Variants in TET1 observed in about 807,000 individuals in gnomAD.
TET1 encodes methylcytosine dioxygenase TET1.
A neutral mutation model predicts 148.7 loss-of-function variants in TET1; 13 were observed. That is an observed-to-expected ratio of 0.09 (90% CI 0.06 to 0.14). The LOEUF (loss-of-function observed/expected upper bound fraction) is 0.14, where lower values mean the gene tolerates loss of function less well. TET1 is among the 10% of genes least tolerant of loss of function. The pLI is 1.00. For missense variants in TET1, 2,182 were observed against 2,553.8 expected, an observed-to-expected ratio of 0.85 and a Z score of 3.14; for synonymous variants, 907 against 937.2, an observed-to-expected ratio of 0.97 and a Z score of 0.59.
At position 68,692,690 on chromosome 10, in the gene TET1, GA is replaced by G. The variant is rs1589138809; in HGVS notation, c.*878del. 6 of 231,038 alleles carry G rather than the reference GA, an allele frequency of 2.6e-5. No homozygotes were observed. The East Asian group carries it at 3.7e-4, about 14-fold the overall frequency. 14.3% of individuals were successfully genotyped at this position (231,038 alleles called of 1,614,324 possible). On this transcript the variant is annotated 3_prime_UTR_variant, in exon 12 of 12. Transcript: ENST00000373644. Reference sequence around the variant, plus strand: ...AAGTTGTTAATTATCTCTAAAATTGGAATTAGGAAGCATATCACCAATACTG... The same window carrying G: ...AAGTTGTTAATTATCTCTAAAATTGGATTAGGAAGCATATCACCAATACTG...
At position 68,652,521 on chromosome 10, in the gene TET1, C is replaced by T; in HGVS notation, c.4388C>T (p.Ala1463Val). Residue 1463 changes from alanine to valine, a missense_variant, in exon 6 of 12, where the codon GCA (alanine) becomes GTA (valine). Ala to Val is a moderately conservative substitution (Grantham distance 64). This residue lies in a region of TET1 where 169 missense variants were observed against 263.7 expected (regional missense o/e 0.64). Coordinates refer to ENST00000373644, the MANE Select transcript of TET1 (RefSeq NM_030625.3). ...MENRYGQKGN[A>V]IRIEIVVYTG... is the part of the protein sequence containing the mutation. The stretch of plus-strand genomic sequence containing the variant: ...CTCAGGTATGGTCAAAAAGGAAACG[C>T]AATAAGGATAGAAATAGTAGTGTAC... The T allele has an allele frequency of 6.2e-7, 1 of 1,610,778 alleles. No individual in the cohort carries two copies. The highest frequency in any genetic ancestry group is 8.5e-7 in the Non-Finnish European group (1 of 1,178,482).
chr10:68,632,318 T>C lies in TET1; in HGVS notation c.1969-12380T>C, dbSNP rs564778538. On this transcript the variant is annotated intron_variant, in intron 3 of 11. Coordinates refer to ENST00000373644, the MANE Select transcript of TET1 (RefSeq NM_030625.3). ...GCCTGGGTGACAGAGCCAGATTCCCTTTCAAAAAAAAAAGAAAGGGTGCAG... is the reference window on the plus strand; with the variant it reads ...GCCTGGGTGACAGAGCCAGATTCCCCTTCAAAAAAAAAAGAAAGGGTGCAG... 3.4e-6 allele frequency: 5 copies of C among 1,464,484 alleles called. No homozygotes were observed. The East Asian group carries it at 1.2e-4, about 34-fold the overall frequency. The allele number at this position is 1,464,484 out of a possible 1,614,324, so 90.7% of individuals were successfully genotyped here.
intron 3 of TET1, among the ~76,000 whole-genome samples, chr10:68,624,660 C>CTTTCTTTCTTTCTTTCTTTCTT (rs1462948714): frequency 2.1e-4 from 16 of 74,508 alleles, no homozygotes; most frequent in East Asian, 8.2e-4. Flanking sequence ...TTCTTTCTTT[C>CTTTCTTTCTTTCTTTCTTTCTT]TCTCTCTCTC....
In TET1 at chr10:68,679,733, C is replaced by T. The variant is rs185695079; in HGVS notation, c.4825-1666C>T. ...CTGTCTCCCAGGCTGGAGTGCAATG[C>T]CATGGTCTCAGCTCACTGCAATCTT... On this transcript the variant is annotated intron_variant, in intron 8 of 11. Coordinates refer to ENST00000373644, the MANE Select transcript of TET1 (RefSeq NM_030625.3). Among the ~76,000 whole-genome samples, 429 of 151,756 alleles carry T rather than the reference C, an allele frequency of 2.8e-3. 1 individual carries two copies. The highest frequency in any genetic ancestry group is 0.014 in the Middle Eastern group (4 of 294).
intron 7 of TET1, among the ~76,000 whole-genome samples, chr10:68,671,625 G>A (rs890998299): frequency 6.6e-5 from 10 of 152,140 alleles, no homozygotes; most frequent in East Asian, 1.9e-4. Context: ...TGGTACTTTC[G>A]TTGTCATTCT....
rs1554927790 is a variant in TET1 at position 68,565,475 on chromosome 10, A to ATAT, written c.-123+4733_-123+4734insTAT. On this transcript the variant is annotated intron_variant, in intron 1 of 11. Transcript: ENST00000373644. ...AGCAAGACCCTGTTTAAAAAAAAAA[A>ATAT]ATATATATATATATATATATATATG... Among the ~76,000 whole-genome samples, 154 of 129,228 alleles carry ATAT rather than the reference A, an allele frequency of 1.2e-3. 1 individual carries two copies. The highest frequency in any genetic ancestry group is 8.9e-3 in the East Asian group (39 of 4,388). 84.8% of individuals were successfully genotyped at this position (129,228 alleles called of 152,430 possible).
chr10:68,605,793 G>T (rs1220697949), intron 3 of TET1, among the ~76,000 whole-genome samples: 2 of 152,198 alleles, frequency 1.3e-5, no homozygotes, highest in Admixed American at 1.3e-4. Flanking sequence ...GGGATTACAG[G>T]TGTGAGCAAC....
At position 68,584,823 on chromosome 10, in the gene TET1, A is replaced by ATC. The variant is rs200993139; in HGVS notation, c.1914+10575_1914+10576dup. ...CATTGTATTAGTTTATTCTACACAT[A>ATC]TCTCTTTTTTTTTTTTAGGCAAAAT... On this transcript the variant is annotated intron_variant, in intron 2 of 11. Transcript: ENST00000373644. 8.9e-5 allele frequency among the ~76,000 whole-genome samples: 13 copies of ATC among 146,304 alleles called. No homozygotes were observed. The South Asian group carries it at 1.6e-3, about 18-fold the overall frequency.
At chr10:68,580,505 C>T (rs1175625950) in intron 2 of TET1, among the ~76,000 whole-genome samples, 2 of 149,770 alleles carry the variant, frequency 1.3e-5, no homozygotes, top group Admixed American at 1.3e-4. Flanking sequence ...GAAGGCCGGG[C>T]ACGGTGGCTC....
rs1455986845 is a variant in TET1, at chr10:68,692,740, G to A, written c.*926G>A. On this transcript the variant is annotated 3_prime_UTR_variant, in exon 12 of 12. Transcript: ENST00000373644. Reference sequence around the variant, plus strand: ...TGATTAACATTCTCTTTGGAACTAGGTAAGAGTGGTCTCTTCTTATTGAAC... The same window carrying A: ...TGATTAACATTCTCTTTGGAACTAGATAAGAGTGGTCTCTTCTTATTGAAC... The A allele has an allele frequency of 4.3e-6, 1 of 230,626 alleles. No homozygotes were observed. The highest frequency in any genetic ancestry group is 8.6e-6 in the Non-Finnish European group (1 of 116,652). The allele number at this position is 230,626 out of a possible 1,614,324, so 14.3% of individuals were successfully genotyped here.
intron 3 of TET1, among the ~76,000 whole-genome samples, chr10:68,637,961 G>T (rs117391221): frequency 6.6e-6 from 1 of 151,884 alleles, no homozygotes; most frequent in Admixed American, 6.6e-5. Context: ...TGTAGTTTTC[G>T]TAGAGCCAGG....
At chr10:68,682,192 T>C (rs1419082239) in intron 9 of TET1, among the ~76,000 whole-genome samples, 3 of 123,134 alleles carry the variant, frequency 2.4e-5, no homozygotes, top group Non-Finnish European at 4.8e-5. Context: ...CACTGCACCC[T>C]CTGCCTCCCA....
chr10:68,570,297 G>T (rs1021103488), intron 1 of TET1, among the ~76,000 whole-genome samples: 4 of 151,874 alleles, frequency 2.6e-5, no homozygotes, highest in Admixed American at 1.3e-4. Flanking sequence ...TAGAGACGGG[G>T]TTTCACCATG....
chr10:68,573,233 A>G lies in TET1; in HGVS notation c.895A>G (p.Thr299Ala). ...TAAAAGTGAACATGATTGCTACCCC[A>G]CCTCCAGTCTTAATAAGGTTATACC... ...PIKSEHDCYPTSSLNKVIPDL... is the reference protein window; with the variant it reads ...PIKSEHDCYPASSLNKVIPDL... The change falls in exon 2 of 12, where the codon ACC becomes GCC. Residue 299 changes from threonine to alanine, a missense_variant. Physicochemically the swap from Thr to Ala is moderately conservative, Grantham distance 58. Transcript: ENST00000373644. 1.2e-6 allele frequency: 2 copies of G among 1,613,160 alleles called. No individual in the cohort carries two copies. Among genetic ancestry groups the G allele is most frequent in the Non-Finnish European group, 1.7e-6 (2 of 1,179,886 alleles).
intron 4 of TET1, among the ~76,000 whole-genome samples, chr10:68,651,553 AT>A (rs143003683): frequency 0.11 from 16,467 of 150,706 alleles, 1,082 homozygotes; most frequent in South Asian, 0.18. Context: ...ATTAATACAG[AT>A]TTTTTTTTTA....
At chr10:68,654,553 G>C (rs1202985828) in intron 6 of TET1, among the ~76,000 whole-genome samples, 1 of 152,178 alleles carries the variant, frequency 6.6e-6, no homozygotes, top group Non-Finnish European at 1.5e-5. Context: ...CGAGGTGGAG[G>C]TTGCAGTGGG....
Position 68,646,017 on chromosome 10 carries a change from G to C in TET1, c.3288G>C (p.Glu1096Asp). Reference protein sequence around the residue: ...SIIKINYIKPEDKKVESTPTS... With the variant: ...SIIKINYIKPDDKKVESTPTS... The stretch of plus-strand genomic sequence containing the variant: ...TTAAGATCAATTATATAAAACCAGA[G>C]GACAAAAAAGTTGAAAGTACACCAA... The change falls in exon 4 of 12, where the codon GAG becomes GAC. Residue 1096 changes from glutamate to aspartate, a missense_variant. Around this residue, in one of 11 missense-constraint regions of TET1, gnomAD observed 582 missense variants for 599.5 expected, o/e 0.97. Coordinates refer to ENST00000373644, the MANE Select transcript of TET1 (RefSeq NM_030625.3). 1 of 1,613,750 alleles carries C rather than the reference G, an allele frequency of 6.2e-7. No individual in the cohort carries two copies. The highest frequency in any genetic ancestry group is 1.1e-5 in the South Asian group (1 of 90,982).
intron 8 of TET1, among the ~76,000 whole-genome samples, chr10:68,677,337 T>C (rs1158701823): frequency 1.3e-5 from 2 of 152,132 alleles, no homozygotes; most frequent in Non-Finnish European, 2.9e-5. Context: ...TTCTTTTTGT[T>C]TCCTAATCTT....
Position 68,652,540 on chromosome 10 carries a change from A to G in TET1, c.4407A>G (p.Val1469=), listed in dbSNP as rs896775310. Residue 1469 remains valine, a synonymous_variant, in exon 6 of 12, where the codon GTA becomes GTG. Coordinates refer to ENST00000373644, the MANE Select transcript of TET1 (RefSeq NM_030625.3). The part of the protein sequence containing the change: ...QKGNAIRIEI[V]VYTGKEGKSS... Reference sequence around the variant, plus strand: ...GAAACGCAATAAGGATAGAAATAGTAGTGTACACCGGTAAAGAAGGGAAAA... The same window carrying G: ...GAAACGCAATAAGGATAGAAATAGTGGTGTACACCGGTAAAGAAGGGAAAA... 1.9e-6 allele frequency: 3 copies of G among 1,613,150 alleles called. No individual in the cohort carries two copies. The highest frequency in any genetic ancestry group is 2.5e-6 in the Non-Finnish European group (3 of 1,179,534).
Sources: allele counts gnomAD v4.1 joint callset (sites outside exome capture counted in the v4.1 genomes callset), GRCh38; gene constraint gnomAD v4.1.1; regional missense constraint gnomAD v4.1.1; transcripts MANE v1.5; gene names NCBI Gene and HGNC (gene_info 2026-07-23, HGNC 2026-07-21).